NRXN3: variants seen among roughly 807,000 people sequenced by gnomAD.
NRXN3 encodes neurexin III.
A neutral mutation model predicts 137.6 loss-of-function variants in NRXN3; 32 were observed. That is an observed-to-expected ratio of 0.23 (90% CI 0.18 to 0.31). NRXN3 has a LOEUF of 0.31. Among genes scored for constraint, NRXN3 ranks in the 10% least tolerant of loss-of-function variants. NRXN3 has a pLI of 1.00. For synonymous variants in NRXN3, 798 were observed against 784.5 expected (o/e 1.02, Z -0.29); for missense variants, 1,574 against 2,062.5 (o/e 0.76, Z 4.59).
chr14:79,661,225 T>C (rs1270015252), intron 16 of NRXN3, among the ~76,000 whole-genome samples: 2 of 152,118 alleles, frequency 1.3e-5, no homozygotes, highest in Admixed American at 1.3e-4. Context: ...GTGTGTTTAG[T>C]CACAATTTTG....
At chr14:79,740,712 T>TTATATATATATATATATA (rs869216055) in intron 19 of NRXN3, among the ~76,000 whole-genome samples, 1 of 16,136 alleles carries the variant, frequency 6.2e-5, no homozygotes, top group Non-Finnish European at 1.0e-4. Flanking sequence ...ATTTAGTTTT[T>TTATATATATATATATATA]TATATATATA....
intron 20 of NRXN3, chr14:79,854,103 CAA>C (rs954271207): frequency 2.0e-6 from 2 of 980,314 alleles, no homozygotes; most frequent in Non-Finnish European, 2.4e-6. Context: ...GAAATGACAA[CAA>C]AAAAAGCAAG....
At chr14:79,037,735 G>A (rs2099618425) in intron 15 of NRXN3, among the ~76,000 whole-genome samples, 1 of 127,732 alleles carries the variant, frequency 7.8e-6, no homozygotes, top group African/African-American at 3.1e-5. Flanking sequence ...CATTGCCAAG[G>A]CCAGTGGGCG....
rs141394997 is a variant in NRXN3, at chr14:79,131,532, C to T, written c.3262+143391C>T. Among the ~76,000 whole-genome samples the T allele has an allele frequency of 2.8e-3, 425 of 152,326 alleles. 1 individual carries two copies. The highest frequency in any genetic ancestry group is 9.8e-3 in the African/African-American group (406 of 41,578). On this transcript the variant is annotated intron_variant, in intron 15 of 20. Transcript: ENST00000335750. Reference sequence around the variant, plus strand: ...GACCCATTTGAGGGGGCAGTCTGCCCGTTTTCAGATCTCTAGCTGCATGCT... The same window carrying T: ...GACCCATTTGAGGGGGCAGTCTGCCTGTTTTCAGATCTCTAGCTGCATGCT...
intron 4 of NRXN3, among the ~76,000 whole-genome samples, chr14:78,485,775 CATGGT>C (rs1454278576): frequency 1.3e-5 from 2 of 152,192 alleles, no homozygotes; most frequent in African/African-American, 4.8e-5. Flanking sequence ...ATGCAAAGAA[CATGGT>C]TATAATAACC....
intron 1 of NRXN3, among the ~76,000 whole-genome samples, chr14:78,232,107 G>T (rs2153438285): frequency 6.6e-6 from 1 of 152,356 alleles, no homozygotes; most frequent in East Asian, 1.9e-4. Context: ...AGGAGGTGTG[G>T]TCTGTGCCTC....
intron 16 of NRXN3, among the ~76,000 whole-genome samples, chr14:79,474,890 T>G (rs750723418): frequency 6.6e-6 from 1 of 151,818 alleles, no homozygotes; most frequent in Non-Finnish European, 1.5e-5. Flanking sequence ...AAGATGACAA[T>G]AGCCATGACC....
At chr14:79,159,153 A>C (rs2060525192) in intron 15 of NRXN3, among the ~76,000 whole-genome samples, 1 of 151,868 alleles carries the variant, frequency 6.6e-6, no homozygotes, top group Non-Finnish European at 1.5e-5. Context: ...AACATCCCCC[A>C]AAACTGTTGC....
At chr14:79,070,075 C>T (rs1260755403) in intron 15 of NRXN3, among the ~76,000 whole-genome samples, 1 of 152,002 alleles carries the variant, frequency 6.6e-6, no homozygotes, top group Non-Finnish European at 1.5e-5. Flanking sequence ...TTTGGGAAAC[C>T]AATGTCACAT....
chr14:78,984,572 G>T (rs1011199072), intron 14 of NRXN3, among the ~76,000 whole-genome samples: 2 of 152,148 alleles, frequency 1.3e-5, no homozygotes, highest in Non-Finnish European at 2.9e-5. Flanking sequence ...AGCAGGAAGC[G>T]CAAAGGAACT....
At chr14:78,847,748 A>G (rs2152470964) in intron 10 of NRXN3, among the ~76,000 whole-genome samples, 1 of 152,258 alleles carries the variant, frequency 6.6e-6, no homozygotes, top group South Asian at 2.1e-4. Context: ...TATCAAAAAT[A>G]ATCATATTCT....
At chr14:79,497,524 C>G (rs1351187564) in intron 16 of NRXN3, among the ~76,000 whole-genome samples, 2 of 152,120 alleles carry the variant, frequency 1.3e-5, no homozygotes, top group Non-Finnish European at 2.9e-5. Context: ...CTCCCTTACC[C>G]TGCCTTACTT....
intron 4 of NRXN3, among the ~76,000 whole-genome samples, chr14:78,427,158 C>G (rs1040949280): frequency 6.6e-6 from 1 of 152,154 alleles, no homozygotes; most frequent in Admixed American, 6.5e-5. Flanking sequence ...GAGGCGGTGT[C>G]TGTGGGTCAG....
chr14:78,500,014 G>T (rs1483662133), intron 4 of NRXN3, among the ~76,000 whole-genome samples: 1 of 152,122 alleles, frequency 6.6e-6, no homozygotes, highest in East Asian at 1.9e-4. Flanking sequence ...TAAAGGAAGG[G>T]ATTATGTAAG....
intron 15 of NRXN3, among the ~76,000 whole-genome samples, chr14:79,048,125 A>G (rs971323562): frequency 3.9e-5 from 6 of 152,226 alleles, no homozygotes; most frequent in East Asian, 1.9e-4. Flanking sequence ...ACATGTATGC[A>G]TCTCAAATAC....
At chr14:79,421,782 C>A (rs1306037882) in intron 15 of NRXN3, among the ~76,000 whole-genome samples, 1 of 152,140 alleles carries the variant, frequency 6.6e-6, no homozygotes, top group Non-Finnish European at 1.5e-5. Flanking sequence ...CCTTTAATTT[C>A]TCTCAATCTT....
intron 10 of NRXN3, among the ~76,000 whole-genome samples, chr14:78,853,562 T>A (rs1040260950): frequency 3.3e-5 from 5 of 152,138 alleles, no homozygotes; most frequent in African/African-American, 4.8e-5. Context: ...AGTTAAAAAT[T>A]TTATTACTAT....
Position 79,822,732 on chromosome 14 carries a change from G to A in NRXN3, c.4093+17542G>A, listed in dbSNP as rs538581191. Among the ~76,000 whole-genome samples, 7 of 151,952 alleles carry A rather than the reference G, an allele frequency of 4.6e-5. No homozygotes were observed. The South Asian group carries it at 6.2e-4, about 14-fold the overall frequency. On this transcript the variant is annotated intron_variant, in intron 20 of 20. Coordinates refer to ENST00000335750, the MANE Select transcript of NRXN3 (RefSeq NM_001330195.2). ...CAGGAAGTTACTAGTTTAAGCATCC[G>A]TCACTTAGATAACAAGCATTAAGGT... is the stretch of plus-strand genomic sequence containing the variant.
chr14:78,448,149 A>G lies in NRXN3; in HGVS notation c.757+150289A>G, dbSNP rs971002172. 2.6e-5 allele frequency among the ~76,000 whole-genome samples: 4 copies of G among 152,312 alleles called. No individual in the cohort carries two copies. The East Asian group carries it at 5.8e-4, about 22-fold the overall frequency. ...CCTTTCTAGAACTCCTAGATAGTCT[A>G]TCATCTTTACTGTTCAACTTATGAT... On this transcript the variant is annotated intron_variant, in intron 4 of 20. Transcript: ENST00000335750.
Sources: gnomAD v4.1 joint callset for allele counts (sites outside exome capture counted in the v4.1 genomes callset) on GRCh38, gnomAD v4.1.1 for gene constraint, MANE v1.5 for transcripts, NCBI Gene and HGNC (gene_info 2026-07-23, HGNC 2026-07-21) for gene names.